Variants in NOX4 observed in about 807,000 individuals in gnomAD.
The protein encoded by NOX4 is kidney oxidase-1.
A neutral mutation model predicts 87.6 loss-of-function variants in NOX4; 69 were observed. The ratio of observed to expected loss-of-function variants is 0.79; its 90% confidence interval spans 0.65 to 0.96. NOX4 has a LOEUF of 0.96. NOX4 is among the 40% of genes least tolerant of loss of function. The pLI is 0.00. For synonymous variants in NOX4, 275 were observed against 238.2 expected (o/e 1.15, Z -1.42); for missense variants, 680 against 681.5 (o/e 1.00, Z 0.02).
rs891473031 is a variant in NOX4, at chr11:89,325,985, G to A, written c.*771C>T. The stretch of plus-strand genomic sequence containing the variant: ...TATATATATCCCTTTATAATTTATA[G>A]TAGGAATATTTTCATTACCATGCAA... On this transcript the variant is annotated 3_prime_UTR_variant, in exon 18 of 18. Transcript: ENST00000263317. 6.8e-6 allele frequency: 1 copy of A among 147,520 alleles called. No individual in the cohort carries two copies. The highest frequency in any genetic ancestry group is 1.5e-5 in the Non-Finnish European group (1 of 67,204). 9.1% of individuals were successfully genotyped at this position (147,520 alleles called of 1,614,324 possible).
intron 12 of NOX4, among the ~76,000 whole-genome samples, chr11:89,372,033 T>A (rs1157661838): frequency 1.3e-5 from 2 of 151,832 alleles, no homozygotes. Flanking sequence ...TTATATAAAC[T>A]ATTGTTCTCC....
intron 13 of NOX4, among the ~76,000 whole-genome samples, chr11:89,347,996 C>A (rs1247515156): frequency 6.6e-6 from 1 of 152,168 alleles, no homozygotes; most frequent in East Asian, 1.9e-4. Context: ...GCAGTCCAGG[C>A]CAGATGCAGT....
intron 11 of NOX4, among the ~76,000 whole-genome samples, chr11:89,380,016 A>G (rs941969915): frequency 2.0e-5 from 3 of 152,104 alleles, no homozygotes; most frequent in Admixed American, 2.0e-4. Context: ...TATCAATCAA[A>G]GTAAAAGCCA....
In NOX4 at chr11:89,396,048, T is replaced by C. The variant is rs146677491; in HGVS notation, c.1074+3969A>G. On this transcript the variant is annotated intron_variant, in intron 11 of 17. Coordinates refer to ENST00000263317, the MANE Select transcript of NOX4 (RefSeq NM_016931.5). Reference sequence around the variant, plus strand: ...TTTTCCAATTCTGTGAAGAAAGTCATAGGTAGCTTGATGGGGATGGCATTG... The same window carrying C: ...TTTTCCAATTCTGTGAAGAAAGTCACAGGTAGCTTGATGGGGATGGCATTG... 6.3e-3 allele frequency among the ~76,000 whole-genome samples: 959 copies of C among 152,262 alleles called. 5 individuals carry two copies. Among genetic ancestry groups the C allele is most frequent in the African/African-American group, 0.021 (860 of 41,548 alleles).
the NOX4 span, among the ~76,000 whole-genome samples, chr11:89,515,035 C>T: frequency 6.6e-6 from 1 of 151,938 alleles, no homozygotes; most frequent in Non-Finnish European, 1.5e-5. Context: ...TAATTTGCTT[C>T]TAAGTTTTGG....
At chr11:89,414,118 A>G (rs1342417499) in intron 8 of NOX4, among the ~76,000 whole-genome samples, 1 of 152,088 alleles carries the variant, frequency 6.6e-6, no homozygotes, top group Non-Finnish European at 1.5e-5. Flanking sequence ...TGATTTGTCT[A>G]AGATTAGTGA....
At position 89,449,524 on chromosome 11, in the gene NOX4, C is replaced by G; in HGVS notation, c.265G>C (p.Val89Leu). ...AATCTCCTGGTTCTCCTGCTTGGAA[C>G]CTAAACAAAAATCATTTAATATGGT... ...LLAYLRGSQKVPSRRTRRLLD... is the reference protein window; with the variant it reads ...LLAYLRGSQKLPSRRTRRLLD... The change falls in exon 4 of 18, where the codon GTT becomes CTT. Residue 89 changes from valine (V) to leucine (L), a missense_variant and splice_region_variant. Transcript: ENST00000263317. The G allele has an allele frequency of 1.2e-6, 2 of 1,607,960 alleles. No homozygotes were observed. Among genetic ancestry groups the G allele is most frequent in the South Asian group, 2.2e-5 (2 of 90,580 alleles).
chr11:89,377,180 CAG>C (rs948847842), intron 11 of NOX4, among the ~76,000 whole-genome samples: 5 of 152,142 alleles, frequency 3.3e-5, no homozygotes, highest in African/African-American at 1.2e-4. Flanking sequence ...TAATTGAAGA[CAG>C]AGAAAACAAG....
intron 12 of NOX4, among the ~76,000 whole-genome samples, chr11:89,371,709 C>T (rs1241212273): frequency 1.3e-5 from 2 of 151,688 alleles, no homozygotes; most frequent in East Asian, 3.9e-4. Context: ...ATAATATCAA[C>T]TTATATTGGG....
intron 2 of NOX4, among the ~76,000 whole-genome samples, chr11:89,455,948 A>C (rs535831379): frequency 1.3e-5 from 2 of 151,982 alleles, no homozygotes; most frequent in African/African-American, 4.8e-5. Flanking sequence ...TGAAGAGGCA[A>C]TGGTTAACAG....
chr11:89,460,118 C>G (rs1192631484), intron 2 of NOX4, among the ~76,000 whole-genome samples: 2 of 152,158 alleles, frequency 1.3e-5, no homozygotes, highest in Admixed American at 6.5e-5. Flanking sequence ...ATGTAGAAAG[C>G]TGAAACTGGA....
At chr11:89,360,483 CTAAA>C (rs1231733882) in intron 12 of NOX4, among the ~76,000 whole-genome samples, 1 of 151,796 alleles carries the variant, frequency 6.6e-6, no homozygotes, top group East Asian at 1.9e-4. Flanking sequence ...TCAATTATAC[CTAAA>C]TAAAGCAGAA....
chr11:89,508,297 G>A, the NOX4 span, among the ~76,000 whole-genome samples: 16 of 152,150 alleles, frequency 1.1e-4, no homozygotes, highest in Non-Finnish European at 2.1e-4. Flanking sequence ...GTAAATGAGC[G>A]CCAGCTCTCT....
chr11:89,543,951 G>C, the NOX4 span, among the ~76,000 whole-genome samples: 1 of 152,032 alleles, frequency 6.6e-6, no homozygotes, highest in Admixed American at 6.6e-5. Context: ...GAGTAAAAGT[G>C]GGGAAGAAAA....
At chr11:89,493,388 C>CAAA (rs143056149), upstream of NOX4, among the ~76,000 whole-genome samples, 48 of 138,560 alleles carry the variant, frequency 3.5e-4, no homozygotes, top group Admixed American at 8.0e-4. Flanking sequence ...GACTCTATCT[C>CAAA]AAAAAAAAAA....
chr11:89,588,315 C>T, the NOX4 span, among the ~76,000 whole-genome samples: 8 of 152,092 alleles, frequency 5.3e-5, no homozygotes, highest in Admixed American at 1.3e-4. Context: ...CTAAACATAG[C>T]TATTTTTATT....
chr11:89,461,756 T>TA (rs1945478985), intron 2 of NOX4, among the ~76,000 whole-genome samples: 1 of 152,104 alleles, frequency 6.6e-6, no homozygotes, highest in African/African-American at 2.4e-5. Context: ...CAGAACATCT[T>TA]ATAAGTCACA....
rs539914308 is a variant in NOX4 at position 89,403,370 on chromosome 11, A to G, written c.630-828T>C. Among the ~76,000 whole-genome samples, 8 of 152,338 alleles carry G rather than the reference A, an allele frequency of 5.3e-5. No individual in the cohort carries two copies. In the South Asian group the frequency reaches 1.7e-3, roughly 32 times the overall value. On this transcript the variant is annotated intron_variant, in intron 8 of 17. Transcript: ENST00000263317. Reference sequence around the variant, plus strand: ...TTGCATGACAAAGTAAGATTTGGAAATGCTTGAAAATTTTGCAGTATATTT... The same window carrying G: ...TTGCATGACAAAGTAAGATTTGGAAGTGCTTGAAAATTTTGCAGTATATTT...
the NOX4 span, among the ~76,000 whole-genome samples, chr11:89,579,470 TAA>T: frequency 6.8e-6 from 1 of 146,292 alleles, no homozygotes; most frequent in Non-Finnish European, 1.5e-5. Flanking sequence ...AAAACTGCTT[TAA>T]AAAAAAAAGT....
Sources: gnomAD v4.1 joint callset for allele counts (sites outside exome capture counted in the v4.1 genomes callset) on GRCh38, gnomAD v4.1.1 for gene constraint, MANE v1.5 for transcripts, NCBI Gene and HGNC (gene_info 2026-07-23, HGNC 2026-07-21) for gene names.